ECPAS: variants seen among roughly 807,000 people sequenced by gnomAD.
The protein encoded by ECPAS is proteasome adapter and scaffold protein ECM29.
A neutral mutation model predicts 255.1 loss-of-function variants in ECPAS; 70 were observed. The ratio of observed to expected loss-of-function variants is 0.27; its 90% CI spans 0.23 to 0.33. The LOEUF (loss-of-function observed/expected upper bound fraction) is 0.33, where lower values mean the gene tolerates loss of function less well. Among genes scored for constraint, ECPAS ranks in the 10% least tolerant of loss-of-function variants. The pLI, the probability that ECPAS is intolerant of heterozygous loss-of-function variation, is 1.00. For missense variants in ECPAS, 1,817 were observed against 2,206.4 expected (o/e 0.82, Z 3.54); for synonymous variants, 784 against 775.0 (o/e 1.01, Z -0.19).
intron 2 of ECPAS, among the ~76,000 whole-genome samples, chr9:111,471,759 T>G (rs1393571463): frequency 6.6e-6 from 1 of 152,204 alleles, no homozygotes; most frequent in Admixed American, 6.5e-5. Flanking sequence ...ATGGCAGAAT[T>G]AGAAACATCC....
rs1380019246 is a variant in ECPAS at position 111,451,548 on chromosome 9, A to G, written c.30T>C (p.Leu10=). Residue 10 remains leucine, a synonymous_variant, in exon 3 of 50, where the codon CTT becomes CTC. Transcript: ENST00000684092. The stretch of plus-strand genomic sequence containing the variant: ...GGCCAAGTCGTAAAAAGACCCGTTC[A>G]AGCTGATCTATAATATAAAAAGAAA... MYHIDCRDQ[L]ERVFLRLGHA... is the part of the protein sequence containing the mutation. 1.9e-6 allele frequency: 3 copies of G among 1,564,020 alleles called. No individual in the cohort carries two copies. Among genetic ancestry groups the G allele is most frequent in the Admixed American group, 4.0e-5 (2 of 49,642 alleles).
At chr9:111,462,574 T>A (rs2098274402) in intron 2 of ECPAS, among the ~76,000 whole-genome samples, 1 of 151,816 alleles carries the variant, frequency 6.6e-6, no homozygotes, top group African/African-American at 2.4e-5. Context: ...GAGAACAAAG[T>A]ATCAATGTAG....
chr9:111,410,385 CAG>C (rs905057746), intron 22 of ECPAS, among the ~76,000 whole-genome samples, 172 bp from the exon 23 acceptor site: 4 of 151,782 alleles, frequency 2.6e-5, no homozygotes, highest in East Asian at 1.9e-4. Context: ...AACATGGTAA[CAG>C]GGGATAGAGT....
intron 2 of ECPAS, among the ~76,000 whole-genome samples, chr9:111,453,692 C>T (rs2098263292): frequency 1.3e-5 from 2 of 152,142 alleles, no homozygotes; most frequent in South Asian, 4.1e-4. Context: ...AATGATGTGA[C>T]AAGAAAGGCA....
At chr9:111,407,521 T>C (rs536257395) in intron 24 of ECPAS, among the ~76,000 whole-genome samples, 83 of 150,354 alleles carry the variant, frequency 5.5e-4, no homozygotes, top group Non-Finnish European at 3.0e-4. Flanking sequence ...CTCCAAGTGG[T>C]TACAATGTTA....
rs369771486 is a variant in ECPAS, at chr9:111,412,014, G to A, written c.2214C>T (p.His738=). 6 of 1,543,852 alleles carry A rather than the reference G, an allele frequency of 3.9e-6. No individual in the cohort carries two copies. Among genetic ancestry groups the A allele is most frequent in the South Asian group, 1.3e-5 (1 of 79,716 alleles). ...EQLIKTTKDN[H]SPEIQHGSLL... ...AAAGAATGAAAACAAAATAACATAC[G>A]TGATTGTCTTTTGTAGTCTTTATAA... Residue 738 remains histidine (H), a splice_region_variant and synonymous_variant, in exon 21 of 50, where the codon CAC becomes CAT. Coordinates refer to ENST00000684092, the MANE Select transcript of ECPAS (RefSeq NM_001364929.1).
chr9:111,368,270 T>C (rs1456686225), intron 46 of ECPAS, among the ~76,000 whole-genome samples: 1 of 152,210 alleles, frequency 6.6e-6, no homozygotes, highest in Non-Finnish European at 1.5e-5. Flanking sequence ...GGGAAATACA[T>C]GTCCAGTTCT....
At chr9:111,441,377 C>T (rs2098245807) in intron 5 of ECPAS, among the ~76,000 whole-genome samples, 1 of 151,552 alleles carries the variant, frequency 6.6e-6, no homozygotes, top group African/African-American at 2.4e-5. Flanking sequence ...TGGTAGCAGG[C>T]ATCTGTAATC....
intron 15 of ECPAS, among the ~76,000 whole-genome samples, chr9:111,421,409 A>ATGTATGTGTGTG (rs2098213554): frequency 7.0e-6 from 1 of 143,326 alleles, no homozygotes; most frequent in African/African-American, 2.6e-5. Context: ...TATTACATAT[A>ATGTATGTGTGTG]TGTGTGTGTG....
intron 10 of ECPAS, among the ~76,000 whole-genome samples, chr9:111,426,964 C>T (rs969804272): frequency 6.6e-6 from 1 of 152,056 alleles, no homozygotes; most frequent in Non-Finnish European, 1.5e-5. Flanking sequence ...CACAGAAAGA[C>T]TCCGTCTCCA....
At chr9:111,449,356 C>T (rs573825087) in intron 3 of ECPAS, among the ~76,000 whole-genome samples, 1 of 152,098 alleles carries the variant, frequency 6.6e-6, no homozygotes, top group East Asian at 1.9e-4. Context: ...AATAGAATTT[C>T]CCATTTGAAA....
At chr9:111,455,136 A>C (rs1311060599) in intron 2 of ECPAS, among the ~76,000 whole-genome samples, 2 of 152,164 alleles carry the variant, frequency 1.3e-5, no homozygotes, top group African/African-American at 4.8e-5. Flanking sequence ...AATACTTTTA[A>C]ATATTATATT....
chr9:111,431,835 T>C (rs2098230531), intron 8 of ECPAS, among the ~76,000 whole-genome samples: 1 of 152,214 alleles, frequency 6.6e-6, no homozygotes, highest in South Asian at 2.1e-4. Context: ...ACAATTCCGC[T>C]ATCCTCAGAG....
rs975858619 is a variant in ECPAS at position 111,361,034 on chromosome 9, G to C, written c.*996C>G. The C allele has an allele frequency of 2.0e-5, 3 of 152,178 alleles. No individual in the cohort carries two copies. The highest frequency in any genetic ancestry group is 2.0e-4 in the Admixed American group (3 of 15,272). 9.4% of individuals were successfully genotyped at this position (152,178 alleles called of 1,614,324 possible). ...ACTTGGAGTGGTATCATGTTCTTTTGAGAAAAGGCATTTTTTAAAAGAGTA... is the reference window on the plus strand; with the variant it reads ...ACTTGGAGTGGTATCATGTTCTTTTCAGAAAAGGCATTTTTTAAAAGAGTA... On this transcript the variant is annotated 3_prime_UTR_variant, in exon 50 of 50. Coordinates refer to ENST00000684092, the MANE Select transcript of ECPAS (RefSeq NM_001364929.1).
intron 3 of ECPAS, among the ~76,000 whole-genome samples, chr9:111,447,550 T>C (rs1412550762): frequency 6.6e-6 from 1 of 152,186 alleles, no homozygotes; most frequent in Non-Finnish European, 1.5e-5. Flanking sequence ...AAAAATAACT[T>C]GTGGAATTCA....
chr9:111,451,653 C>T (rs2098260426), intron 2 of ECPAS, 98 bp from the exon 3 acceptor site: 1 of 1,165,658 alleles, frequency 8.6e-7, no homozygotes, highest in Non-Finnish European at 1.2e-6. Context: ...TACTGCAATC[C>T]TTCAGTCAGG....
rs368969868 is a variant in ECPAS, at chr9:111,378,687, A to G, written c.3847T>C (p.Leu1283=). 6.2e-7 allele frequency: 1 copy of G among 1,613,694 alleles called. No homozygotes were observed. Among genetic ancestry groups the G allele is most frequent in the African/African-American group, 1.3e-5 (1 of 74,926 alleles). ...ATGAGTTTTGGTGCATGCGGTTTCAACATGGCTCCTGCACTTTTGCTGATC... is the reference window on the plus strand; with the variant it reads ...ATGAGTTTTGGTGCATGCGGTTTCAGCATGGCTCCTGCACTTTTGCTGATC... ...VKISKSAGAM[L]KPHAPKLIPA... Residue 1283 remains leucine, a synonymous_variant, in exon 36 of 50, where the codon TTG becomes CTG. Transcript: ENST00000684092.
At chr9:111,425,283 C>T (rs1193738473) in intron 12 of ECPAS, 135 bp downstream of exon 12, 1 of 559,446 alleles carries the variant, frequency 1.8e-6, no homozygotes, top group Non-Finnish European at 2.9e-6. Context: ...GAAATTTGTA[C>T]TATTTCAAGT....
At chr9:111,396,975 A>G in intron 25 of ECPAS, 55 bp downstream of exon 25, 1 of 1,607,930 alleles carries the variant, frequency 6.2e-7, no homozygotes, top group East Asian at 2.2e-5. Context: ...TGTGATAAAG[A>G]GAACAAAAAA....
Sources: gnomAD v4.1 joint callset for allele counts (sites outside exome capture counted in the v4.1 genomes callset) on GRCh38, gnomAD v4.1.1 for gene constraint, MANE v1.5 for transcripts, NCBI Gene and HGNC (gene_info 2026-07-23, HGNC 2026-07-21) for gene names.